Variants in CNBD1 observed in about 807,000 individuals in gnomAD.
CNBD1 encodes the protein cyclic nucleotide binding domain containing 1.
A neutral mutation model predicts 54.4 loss-of-function variants in CNBD1; 71 were observed. That is an observed-to-expected ratio of 1.30 (90% CI 1.08 to 1.59). The LOEUF (loss-of-function observed/expected upper bound fraction) is 1.59. Ranked by LOEUF, CNBD1 falls within the 40% of genes most tolerant of loss-of-function variation. The pLI, the probability that CNBD1 is intolerant of heterozygous loss-of-function variation, is 0.00. For synonymous variants in CNBD1, 182 were observed against 170.7 expected, an observed-to-expected ratio of 1.07 and a Z score of -0.51; for missense variants, 659 against 518.0, an observed-to-expected ratio of 1.27 and a Z score of -2.64.
intron 4 of CNBD1, among the ~76,000 whole-genome samples, chr8:87,117,413 A>AAC (rs1043155344): frequency 2.0e-5 from 3 of 151,774 alleles, no homozygotes; most frequent in African/African-American, 7.3e-5. Flanking sequence ...AAAAAAAAAA[A>AAC]AAGAACTGAG....
At chr8:87,356,553 A>T (rs532092271) in intron 10 of CNBD1, among the ~76,000 whole-genome samples, 1 of 152,192 alleles carries the variant, frequency 6.6e-6, no homozygotes, top group African/African-American at 2.4e-5. Flanking sequence ...GAAATTTCTA[A>T]GCAGCAAAAC....
At chr8:87,092,229 G>C (rs1220962411) in intron 4 of CNBD1, among the ~76,000 whole-genome samples, 1 of 151,922 alleles carries the variant, frequency 6.6e-6, no homozygotes, top group Non-Finnish European at 1.5e-5. Context: ...GGAAGTTCTT[G>C]CTTGTCCCAT....
chr8:87,266,214 G>A (rs1808254073), intron 6 of CNBD1, among the ~76,000 whole-genome samples: 2 of 151,604 alleles, frequency 1.3e-5, no homozygotes, highest in African/African-American at 4.8e-5. Flanking sequence ...GTTCCTTGTG[G>A]AACTTGAAAA....
At chr8:87,420,111 C>T (rs183070987) in intron 2 of CNBD1, among the ~76,000 whole-genome samples, 2,281 of 151,952 alleles carry the variant, frequency 0.015, 60 homozygotes, top group African/African-American at 0.049. Context: ...ACCACATTTA[C>T]AGAATAAAAG....
chr8:87,341,966 G>C (rs1356295213), intron 8 of CNBD1, among the ~76,000 whole-genome samples: 1 of 152,048 alleles, frequency 6.6e-6, no homozygotes. Flanking sequence ...TGGATTTCTG[G>C]GTTTCTTACA....
At chr8:87,351,576 T>TA (rs1810293098) in intron 8 of CNBD1, 109 bp from the exon 9 acceptor site, 3 of 1,027,082 alleles carry the variant, frequency 2.9e-6, no homozygotes, top group Non-Finnish European at 4.0e-6. Flanking sequence ...TTAAGAAACT[T>TA]ACTATTAATA....
chr8:87,276,824 G>A (rs1293152617), intron 6 of CNBD1, among the ~76,000 whole-genome samples: 1 of 142,552 alleles, frequency 7.0e-6, no homozygotes, highest in Non-Finnish European at 1.5e-5. Context: ...AGCATCATAA[G>A]GATAAATAAA....
At chr8:87,292,833 CCT>C (rs567725928) in intron 8 of CNBD1, among the ~76,000 whole-genome samples, 84 of 152,208 alleles carry the variant, frequency 5.5e-4, no homozygotes, top group African/African-American at 1.7e-3. Context: ...AAGTTCATCC[CCT>C]GTTTCACACG....
intron 2 of CNBD1, among the ~76,000 whole-genome samples, chr8:87,420,864 A>G (rs888448902): frequency 6.6e-6 from 1 of 151,948 alleles, no homozygotes; most frequent in African/African-American, 2.4e-5. Context: ...CAATAGAATT[A>G]TAAGGCCATG....
chr8:87,249,648 G>C (rs1052519700), intron 6 of CNBD1, among the ~76,000 whole-genome samples: 6 of 152,080 alleles, frequency 3.9e-5, no homozygotes. Flanking sequence ...CAAGAACTAG[G>C]TTCATGATCT....
chr8:87,236,930 G>A lies in CNBD1; in HGVS notation c.589G>A (p.Asp197Asn). 6.3e-7 allele frequency: 1 copy of A among 1,590,708 alleles called. No individual in the cohort carries two copies. The highest frequency in any genetic ancestry group is 8.6e-7 in the Non-Finnish European group (1 of 1,168,336). The change falls in exon 6 of 11, where the codon GAT becomes AAT. Residue 197 changes from aspartate to asparagine, a missense_variant. Transcript: ENST00000518476. ...TTTGTTTTTTTCAGTGGTTGCAAATGATGGATTTTATGTAATACTGAAAGG... is the reference window on the plus strand; with the variant it reads ...TTTGTTTTTTTCAGTGGTTGCAAATAATGGATTTTATGTAATACTGAAAGG... ...WLKGSTVVAN[D>N]GFYVILKGLA...
intron 3 of CNBD1, among the ~76,000 whole-genome samples, chr8:86,907,933 A>G (rs1412450122): frequency 6.6e-6 from 1 of 152,188 alleles, no homozygotes; most frequent in Non-Finnish European, 1.5e-5. Flanking sequence ...ACACTATTAC[A>G]GTTATTGATC....
chr8:87,245,190 G>A (rs1254654828), intron 6 of CNBD1, among the ~76,000 whole-genome samples: 3 of 151,982 alleles, frequency 2.0e-5, no homozygotes, highest in Non-Finnish European at 2.9e-5. Context: ...GAGTTAAAAT[G>A]TGTGCTGTAA....
chr8:87,036,594 T>TAAAAAAAAAA (rs58299323), intron 4 of CNBD1, among the ~76,000 whole-genome samples: 1 of 64,744 alleles, frequency 1.5e-5, no homozygotes, highest in Admixed American at 2.4e-4. Flanking sequence ...ACTGCATCTC[T>TAAAAAAAAAA]AAAAAAAAAA....
chr8:87,261,301 A>T (rs2130848869), intron 6 of CNBD1, among the ~76,000 whole-genome samples: 1 of 152,218 alleles, frequency 6.6e-6, no homozygotes, highest in Non-Finnish European at 1.5e-5. Flanking sequence ...ATGGACACAA[A>T]TGGGTCCTGC....
intron 8 of CNBD1, among the ~76,000 whole-genome samples, chr8:87,349,927 G>C (rs28484756): frequency 0.011 from 1,667 of 152,188 alleles, 42 homozygotes; most frequent in African/African-American, 0.038. Flanking sequence ...CCTCTTTGTT[G>C]TTATATATAC....
chr8:86,981,221 C>T (rs80280319), intron 4 of CNBD1, among the ~76,000 whole-genome samples: 1 of 152,094 alleles, frequency 6.6e-6, no homozygotes, highest in Non-Finnish European at 1.5e-5. Context: ...CAAGAATGCC[C>T]AAGTATTATG....
At chr8:86,939,551 T>C (rs1474559333) in intron 3 of CNBD1, 45 bp from the exon 4 acceptor site, 9 of 1,330,898 alleles carry the variant, frequency 6.8e-6, no homozygotes, top group Non-Finnish European at 9.1e-6. Flanking sequence ...TAAATAATTT[T>C]TATGCAGTAT....
intron 10 of CNBD1, among the ~76,000 whole-genome samples, chr8:87,362,655 G>T (rs1472081161): frequency 3.3e-5 from 5 of 151,994 alleles, no homozygotes; most frequent in Admixed American, 3.3e-4. Flanking sequence ...GCAAGTCATG[G>T]ACTGCAGTTT....
Sources: allele counts gnomAD v4.1 joint callset (sites outside exome capture counted in the v4.1 genomes callset), GRCh38; gene constraint gnomAD v4.1.1; transcripts MANE v1.5; gene names NCBI Gene and HGNC (gene_info 2026-07-23, HGNC 2026-07-21).